GRID2: variants seen among roughly 807,000 people sequenced by gnomAD.
GRID2 encodes the protein glutamate ionotropic receptor delta type subunit 2.
Under a neutral mutation model 114.8 loss-of-function variants are expected in GRID2, and 33 were observed. The observed-to-expected ratio is 0.29, with a 90% confidence interval of 0.22 to 0.38. The LOEUF (loss-of-function observed/expected upper bound fraction) is 0.38. Among genes scored for constraint, GRID2 ranks in the 10% least tolerant of loss-of-function variants. The pLI is 1.00. For missense variants in GRID2, 1,184 were observed against 1,257.7 expected (o/e 0.94, Z 0.89); for synonymous variants, 505 against 449.9 (o/e 1.12, Z -1.55).
Position 93,216,853 on chromosome 4 carries a change from A to C in GRID2, c.905A>C (p.Asn302Thr), listed in dbSNP as rs182789669. ...ATAAGTCAGCGGTGTTTCCGTGGCA[A>C]CCATCGAATATCTTCAACATTGTGT... ...QNISQRCFRG[N>T]HRISSTLCDP... Residue 302 changes from asparagine (N) to threonine (T), a missense_variant, in exon 6 of 16, where the codon AAC (asparagine) becomes ACC (threonine). Around this residue, in one of 3 missense-constraint regions of GRID2, gnomAD observed 455 missense variants for 429.5 expected, o/e 1.06. Coordinates refer to ENST00000282020, the MANE Select transcript of GRID2 (RefSeq NM_001510.4). The C allele has an allele frequency of 6.2e-7, 1 of 1,613,162 alleles. No homozygotes were observed. Among genetic ancestry groups the C allele is most frequent in the Admixed American group, 1.7e-5 (1 of 59,974 alleles).
chr4:93,402,323 C>G (rs1478768218), intron 9 of GRID2, among the ~76,000 whole-genome samples: 1 of 151,996 alleles, frequency 6.6e-6, no homozygotes, highest in Non-Finnish European at 1.5e-5. Context: ...TTCAATTTTT[C>G]CATCTGTAAA....
intron 4 of GRID2, among the ~76,000 whole-genome samples, chr4:93,125,977 A>G (rs999267722): frequency 6.6e-6 from 1 of 152,180 alleles, no homozygotes; most frequent in Admixed American, 6.6e-5. Context: ...ATTTTGAATA[A>G]CATTCCCAAT....
At chr4:93,102,169 T>A (rs534263371) in intron 3 of GRID2, among the ~76,000 whole-genome samples, 1 of 152,232 alleles carries the variant, frequency 6.6e-6, no homozygotes, top group Non-Finnish European at 1.5e-5. Flanking sequence ...GCCTTGCCTC[T>A]GTTTCACTTT....
At chr4:93,079,505 A>C (rs1462631616) in intron 2 of GRID2, among the ~76,000 whole-genome samples, 2 of 151,964 alleles carry the variant, frequency 1.3e-5, no homozygotes, top group Non-Finnish European at 2.9e-5. Context: ...TTTAAAAACA[A>C]TGATTTATTT....
At chr4:92,497,043 T>A (rs1046297297) in intron 1 of GRID2, among the ~76,000 whole-genome samples, 5 of 151,774 alleles carry the variant, frequency 3.3e-5, no homozygotes, top group Non-Finnish European at 5.9e-5. Context: ...CATAAATCTT[T>A]CTTTAGTCCT....
chr4:92,866,970 C>T (rs926392421), intron 2 of GRID2, among the ~76,000 whole-genome samples: 6 of 152,138 alleles, frequency 3.9e-5, no homozygotes, highest in African/African-American at 1.2e-4. Flanking sequence ...GTTAATGGCT[C>T]ATTCAATGAA....
chr4:92,556,949 T>C, intron 1 of GRID2, among the ~76,000 whole-genome samples: 1 of 152,166 alleles, frequency 6.6e-6, no homozygotes, highest in Non-Finnish European at 1.5e-5. Context: ...TCACGTAATA[T>C]CCTAGTATAA....
intron 2 of GRID2, among the ~76,000 whole-genome samples, chr4:92,654,488 G>A (rs1579776458): frequency 6.6e-6 from 1 of 152,008 alleles, no homozygotes; most frequent in Admixed American, 6.6e-5. Context: ...TTTGAAGAAG[G>A]TGACAAGTAG....
intron 8 of GRID2, among the ~76,000 whole-genome samples, chr4:93,290,048 G>A (rs2149143319): frequency 6.6e-6 from 1 of 152,276 alleles, no homozygotes; most frequent in South Asian, 2.1e-4. Context: ...TCCTGGAACT[G>A]AGAGAAATGT....
At chr4:93,015,742 T>A (rs1202573715) in intron 2 of GRID2, among the ~76,000 whole-genome samples, 1 of 152,148 alleles carries the variant, frequency 6.6e-6, no homozygotes, top group Non-Finnish European at 1.5e-5. Flanking sequence ...GTACACTACA[T>A]GGACGTGACA....
chr4:93,390,355 G>A (rs1456371482), intron 8 of GRID2, among the ~76,000 whole-genome samples: 1 of 152,118 alleles, frequency 6.6e-6, no homozygotes, highest in Non-Finnish European at 1.5e-5. Context: ...ATGAGACTGA[G>A]CAAGGAACAA....
At chr4:92,673,849 T>C (rs948854040) in intron 2 of GRID2, among the ~76,000 whole-genome samples, 56 of 151,978 alleles carry the variant, frequency 3.7e-4, no homozygotes, top group African/African-American at 1.4e-3. Context: ...GGGGGAGGGA[T>C]AGCATTAGGA....
intron 8 of GRID2, among the ~76,000 whole-genome samples, chr4:93,323,358 G>T (rs1029738851): frequency 1.3e-5 from 2 of 152,236 alleles, no homozygotes; most frequent in East Asian, 3.9e-4. Flanking sequence ...GCTGGTTGTA[G>T]ATGTGTGGTA....
intron 1 of GRID2, among the ~76,000 whole-genome samples, chr4:92,385,898 GTGTATATA>G (rs1360299596): frequency 0.041 from 3,685 of 90,922 alleles, 51 homozygotes; most frequent in South Asian, 0.076. Flanking sequence ...GTGTGTGTGT[GTGTATATA>G]TATATATATA....
At chr4:92,541,319 A>G (rs898308945) in intron 1 of GRID2, among the ~76,000 whole-genome samples, 4 of 148,142 alleles carry the variant, frequency 2.7e-5, no homozygotes, top group African/African-American at 1.0e-4. Flanking sequence ...AAGAGTCAGG[A>G]AAAAAAAAAG....
At chr4:92,847,705 G>T (rs1394227246) in intron 2 of GRID2, among the ~76,000 whole-genome samples, 1 of 151,842 alleles carries the variant, frequency 6.6e-6, no homozygotes, top group Admixed American at 6.6e-5. Flanking sequence ...TTAGTCTAGT[G>T]TCATAAATAA....
At chr4:92,430,186 A>G (rs764624314) in intron 1 of GRID2, among the ~76,000 whole-genome samples, 4 of 152,104 alleles carry the variant, frequency 2.6e-5, no homozygotes, top group Non-Finnish European at 4.4e-5. Context: ...GCACAGACCA[A>G]TGTCGTGGAA....
intron 2 of GRID2, among the ~76,000 whole-genome samples, chr4:92,892,067 T>C (rs1025596867): frequency 6.6e-6 from 1 of 152,096 alleles, no homozygotes; most frequent in Non-Finnish European, 1.5e-5. Flanking sequence ...TTTTTTTGTT[T>C]TTGTTTTTGT....
chr4:92,461,460 C>A (rs557667922), intron 1 of GRID2, among the ~76,000 whole-genome samples: 1 of 151,966 alleles, frequency 6.6e-6, no homozygotes, highest in African/African-American at 2.4e-5. Flanking sequence ...TTTTTCTAGC[C>A]AAAAACTCTA....
Sources: gnomAD v4.1 joint callset for allele counts (sites outside exome capture counted in the v4.1 genomes callset) on GRCh38, gnomAD v4.1.1 for gene constraint, gnomAD v4.1.1 regional missense constraint, MANE v1.5 for transcripts, NCBI Gene and HGNC (gene_info 2026-07-23, HGNC 2026-07-21) for gene names.